Variants in PDE4B observed in about 807,000 individuals in gnomAD.
PDE4B encodes the protein phosphodiesterase 4B, also known as 3',5'-cyclic-AMP phosphodiesterase 4B.
PDE4B carries 20 observed loss-of-function variants against 82.2 expected under a neutral mutation model. The ratio of observed to expected loss-of-function variants is 0.24; its 90% CI spans 0.17 to 0.35. The LOEUF (loss-of-function observed/expected upper bound fraction) is 0.35. PDE4B is among the 10% of genes least tolerant of loss of function. The probability of loss-of-function intolerance (pLI) is 1.00; values close to 1 mark genes in which losing one functional copy is unlikely to be tolerated. For missense variants in PDE4B, 655 were observed against 907.2 expected (o/e 0.72, Z 3.57); for synonymous variants, 320 against 318.9 (o/e 1.00, Z -0.04).
chr1:65,847,528 T>C (rs1053795893), intron 1 of PDE4B, among the ~76,000 whole-genome samples: 24 of 152,220 alleles, frequency 1.6e-4, no homozygotes, highest in Non-Finnish European at 5.9e-5. Flanking sequence ...TTAGCCTCTT[T>C]CCTTGCTGAA....
At chr1:65,827,757 C>T (rs920254217) in intron 1 of PDE4B, among the ~76,000 whole-genome samples, 1 of 152,124 alleles carries the variant, frequency 6.6e-6, no homozygotes, top group South Asian at 2.1e-4. Flanking sequence ...GAGAATTTCC[C>T]AAAATTTGGT....
rs185866531 is a variant in PDE4B, at chr1:66,025,293, A to G, written c.281+106458A>G. 2.6e-5 allele frequency among the ~76,000 whole-genome samples: 4 copies of G among 152,318 alleles called. No individual in the cohort carries two copies. In the East Asian group the frequency reaches 5.8e-4, roughly 22 times the overall value. ...AAGTAATTTATGAAAAACAATTTAT[A>G]TGAAAGCTTTGTACTTTCAATATAA... On this transcript the variant is annotated intron_variant, in intron 3 of 16. Coordinates refer to ENST00000341517, the MANE Select transcript of PDE4B (RefSeq NM_002600.4).
At chr1:65,869,516 T>C (rs1443468063) in intron 1 of PDE4B, among the ~76,000 whole-genome samples, 1 of 152,200 alleles carries the variant, frequency 6.6e-6, no homozygotes, top group Non-Finnish European at 1.5e-5. Context: ...TCACAGACTG[T>C]CACAGAAAGA....
chr1:65,875,992 T>C (rs909630715), intron 1 of PDE4B, among the ~76,000 whole-genome samples: 8 of 152,228 alleles, frequency 5.3e-5, no homozygotes, highest in African/African-American at 1.9e-4. Context: ...ATTTTTTTCT[T>C]CATATTGTAC....
At chr1:65,946,996 G>A (rs905535339) in intron 3 of PDE4B, among the ~76,000 whole-genome samples, 4 of 151,930 alleles carry the variant, frequency 2.6e-5, no homozygotes, top group African/African-American at 9.7e-5. Flanking sequence ...TTTACCTATG[G>A]GGCAGCCTCT....
At chr1:65,933,410 A>C in intron 3 of PDE4B, among the ~76,000 whole-genome samples, 1 of 152,056 alleles carries the variant, frequency 6.6e-6, no homozygotes, top group Non-Finnish European at 1.5e-5. Context: ...AAAAGCAGAG[A>C]GGCTGGGCGC....
At chr1:66,006,552 C>A (rs113673643) in intron 3 of PDE4B, among the ~76,000 whole-genome samples, 5,995 of 152,018 alleles carry the variant, frequency 0.039, 399 homozygotes, top group African/African-American at 0.14. Flanking sequence ...TTGAGACAAG[C>A]CTGGGCAACA....
At chr1:66,025,982 A>C (rs1653413101) in intron 3 of PDE4B, among the ~76,000 whole-genome samples, 1 of 152,224 alleles carries the variant, frequency 6.6e-6, no homozygotes, top group South Asian at 2.1e-4. Context: ...CTCAGAATAC[A>C]AACCTTTAAT....
At chr1:66,189,956 T>G (rs1647607822) in intron 3 of PDE4B, among the ~76,000 whole-genome samples, 1 of 152,214 alleles carries the variant, frequency 6.6e-6, no homozygotes, top group Non-Finnish European at 1.5e-5. Context: ...TTTCCCCATC[T>G]TTGTGGTTTT....
At chr1:66,189,999 G>C (rs1435933473) in intron 3 of PDE4B, among the ~76,000 whole-genome samples, 1 of 152,146 alleles carries the variant, frequency 6.6e-6, no homozygotes, top group African/African-American at 2.4e-5. Context: ...TGGTGATGAA[G>C]AAATGGGGTT....
chr1:66,268,152 T>C (rs557512917), intron 7 of PDE4B, among the ~76,000 whole-genome samples: 1 of 152,318 alleles, frequency 6.6e-6, no homozygotes, highest in African/African-American at 2.4e-5. Context: ...TCAGAAAGCC[T>C]GACTTAGATA....
intron 7 of PDE4B, among the ~76,000 whole-genome samples, chr1:66,306,588 A>G (rs1658295386): frequency 6.6e-6 from 1 of 152,176 alleles, no homozygotes; most frequent in Non-Finnish European, 1.5e-5. Context: ...GCCATTCACA[A>G]AAGTATGGAA....
chr1:66,261,078 A>T (rs1177108006), intron 6 of PDE4B, among the ~76,000 whole-genome samples: 1 of 152,180 alleles, frequency 6.6e-6, no homozygotes, highest in African/African-American at 2.4e-5. Context: ...CTAGAGCTTC[A>T]CCAAAGGGAG....
chr1:65,818,479 A>T (rs140919947), intron 1 of PDE4B, among the ~76,000 whole-genome samples: 1 of 151,884 alleles, frequency 6.6e-6, no homozygotes, highest in African/African-American at 2.4e-5. Flanking sequence ...TACCTGGCAG[A>T]GTAATCTATT....
intron 1 of PDE4B, among the ~76,000 whole-genome samples, chr1:65,887,409 C>T (rs1306413597): frequency 2.5e-3 from 26 of 10,518 alleles, no homozygotes; most frequent in Non-Finnish European, 3.4e-3. Context: ...TTTTCTTTTT[C>T]TTCTGTTTTT....
At chr1:65,937,590 C>A (rs1648223365) in intron 3 of PDE4B, among the ~76,000 whole-genome samples, 1 of 152,176 alleles carries the variant, frequency 6.6e-6, no homozygotes, top group African/African-American at 2.4e-5. Flanking sequence ...TCAGGCTTCA[C>A]CACCCACTGG....
At chr1:65,875,644 C>A (rs377257292) in intron 1 of PDE4B, among the ~76,000 whole-genome samples, 1 of 149,732 alleles carries the variant, frequency 6.7e-6, no homozygotes, top group Non-Finnish European at 1.5e-5. Context: ...AGTTCATGTC[C>A]TTTGTAGGGA....
chr1:66,213,694 TA>T (rs1278320024), intron 3 of PDE4B, among the ~76,000 whole-genome samples: 3 of 152,200 alleles, frequency 2.0e-5, no homozygotes, highest in Non-Finnish European at 4.4e-5. Context: ...GACCCTGTGT[TA>T]AACTGCATTT....
At chr1:65,935,729 G>A (rs1648089427) in intron 3 of PDE4B, among the ~76,000 whole-genome samples, 1 of 152,086 alleles carries the variant, frequency 6.6e-6, no homozygotes. Context: ...ATCACCTGAG[G>A]TCGAGAGTTC....
Sources: gnomAD v4.1 joint callset for allele counts (sites outside exome capture counted in the v4.1 genomes callset) on GRCh38, gnomAD v4.1.1 for gene constraint, MANE v1.5 for transcripts, NCBI Gene and HGNC (gene_info 2026-07-23, HGNC 2026-07-21) for gene names.